Variants in MGAT5B observed in about 807,000 individuals in gnomAD.
MGAT5B encodes alpha-1,6-mannosylglycoprotein 6-beta-N-acetylglucosaminyltransferase B.
In MGAT5B, 54 loss-of-function variants were observed where a neutral mutation model predicts 95.1. The ratio of observed to expected loss-of-function variants is 0.57; its 90% CI spans 0.46 to 0.71. MGAT5B has a LOEUF of 0.71. Ranked by LOEUF, MGAT5B falls within the 30% of genes least tolerant of loss-of-function variation. The probability of loss-of-function intolerance (pLI) is 0.00; values close to 1 mark genes in which losing one functional copy is unlikely to be tolerated. For missense variants in MGAT5B, 935 were observed against 1,088.6 expected (o/e 0.86, Z 1.99); for synonymous variants, 464 against 451.0 (o/e 1.03, Z -0.36).
chr17:76,927,060 G>A (rs190961516), intron 10 of MGAT5B, among the ~76,000 whole-genome samples: 36 of 152,332 alleles, frequency 2.4e-4, no homozygotes, highest in Admixed American at 6.5e-4. Flanking sequence ...CTTCCAGAAA[G>A]AGAGGCTTTC....
In MGAT5B at chr17:76,932,699, C is replaced by G. The variant is rs767094719; in HGVS notation, c.1346C>G (p.Thr449Arg). 1 of 1,613,912 alleles carries G rather than the reference C, an allele frequency of 6.2e-7. No homozygotes were observed. The highest frequency in any genetic ancestry group is 8.5e-7 in the Non-Finnish European group (1 of 1,179,968). ...TTCGTGTCCGAGGAGCTCAACGAGACGGAGAAGCGGCTCATCAAAGGCGGC... is the reference window on the plus strand; with the variant it reads ...TTCGTGTCCGAGGAGCTCAACGAGAGGGAGAAGCGGCTCATCAAAGGCGGC... ...MGFVSEELNE[T>R]EKRLIKGGKA... Residue 449 changes from threonine (T) to arginine (R), a missense_variant, in exon 11 of 18, where the codon ACG becomes AGG. Thr to Arg is a moderately conservative substitution (Grantham distance 71, BLOSUM62 -1). This residue lies in a region of MGAT5B where 440 missense variants were observed against 523.6 expected (regional missense o/e 0.84). Transcript: ENST00000569840.
chr17:76,928,841 G>A (rs1289409760), intron 10 of MGAT5B, among the ~76,000 whole-genome samples: 1 of 151,878 alleles, frequency 6.6e-6, no homozygotes, highest in African/African-American at 2.4e-5. Flanking sequence ...CACGTCGGAG[G>A]ACCACTGAAG....
At chr17:76,901,610 C>T (rs1968318250) in intron 3 of MGAT5B, among the ~76,000 whole-genome samples, 1 of 152,152 alleles carries the variant, frequency 6.6e-6, no homozygotes, top group Admixed American at 6.5e-5. Flanking sequence ...ACACTGGTAT[C>T]GATGGTGAGG....
At position 76,905,954 on chromosome 17, in the gene MGAT5B, C is replaced by T. The variant is rs1346830659; in HGVS notation, c.856-64C>T. ...GCCGGCTGGTCTCCTGGCCGGTGCC[C>T]CGGGGGGGCGGGGCTCAGAGCTGCT... is the stretch of plus-strand genomic sequence containing the variant. On this transcript the variant is annotated intron_variant, in intron 7 of 17. Coordinates refer to ENST00000569840, the MANE Select transcript of MGAT5B (RefSeq NM_001199172.2). The surrounding 1 kb of genome is among the most constrained non-coding windows in gnomAD (Gnocchi z 4.2). The T allele has an allele frequency of 1.9e-5, 28 of 1,497,744 alleles. No individual in the cohort carries two copies. The African/African-American group carries it at 2.3e-4, about 12-fold the overall frequency. 92.8% of individuals were successfully genotyped at this position (1,497,744 alleles called of 1,614,324 possible).
chr17:76,920,385 C>T (rs34839959), intron 8 of MGAT5B, among the ~76,000 whole-genome samples: 1 of 152,118 alleles, frequency 6.6e-6, no homozygotes, highest in Non-Finnish European at 1.5e-5. Flanking sequence ...AGCCGAGCCT[C>T]CCGGGCACCT....
At position 76,938,061 on chromosome 17, in the gene MGAT5B, G is replaced by A. The variant is rs367973248; in HGVS notation, c.1502G>A (p.Arg501Gln). Residue 501 changes from arginine (R) to glutamine (Q), a missense_variant, in exon 13 of 18, where the codon CGG (arginine) becomes CAG (glutamine). Coordinates refer to ENST00000569840, the MANE Select transcript of MGAT5B (RefSeq NM_001199172.2). This position sits in a 1 kb window ranked among gnomAD's most constrained non-coding sequence, Gnocchi z 4.3. ...IHGTVYYESQRPPEVPAFVKN... is the reference protein window; with the variant it reads ...IHGTVYYESQQPPEVPAFVKN... Reference sequence around the variant, plus strand: ...GGCACCGTGTACTACGAGAGCCAGCGGCCCCCCGAGGTGCCAGCCTTTGTG... The same window carrying A: ...GGCACCGTGTACTACGAGAGCCAGCAGCCCCCCGAGGTGCCAGCCTTTGTG... 8.7e-6 allele frequency: 14 copies of A among 1,614,144 alleles called. No homozygotes were observed. The highest frequency in any genetic ancestry group is 3.3e-5 in the Admixed American group (2 of 60,016).
intron 2 of MGAT5B, among the ~76,000 whole-genome samples, chr17:76,881,392 G>A (rs946591070): frequency 6.6e-6 from 1 of 152,204 alleles, no homozygotes; most frequent in Non-Finnish European, 1.5e-5. Flanking sequence ...AGACCAGCTT[G>A]AGATTCAGAA....
In MGAT5B at chr17:76,917,726, T is replaced by C. The variant is rs978895662; in HGVS notation, c.1026-7240T>C. On this transcript the variant is annotated intron_variant, in intron 8 of 17. Transcript: ENST00000569840. This position sits in a 1 kb window ranked among gnomAD's most constrained non-coding sequence, Gnocchi z 6.1. Reference sequence around the variant, plus strand: ...GCACAGGTTGGTTCTCAGCAAAGGTTGGTGGAACCGGATAGAATAGCAAGA... The same window carrying C: ...GCACAGGTTGGTTCTCAGCAAAGGTCGGTGGAACCGGATAGAATAGCAAGA... 6.6e-6 allele frequency among the ~76,000 whole-genome samples: 1 copy of C among 152,072 alleles called. No individual in the cohort carries two copies. The highest frequency in any genetic ancestry group is 1.5e-5 in the Non-Finnish European group (1 of 68,034).
At chr17:76,935,886 TTATATAATTA>T (rs1567822961) in intron 12 of MGAT5B, among the ~76,000 whole-genome samples, 14 of 51,102 alleles carry the variant, frequency 2.7e-4, no homozygotes, top group South Asian at 4.9e-4. Context: ...ATATTATATA[TTATATAATTA>T]TATATACATT....
Position 76,879,556 on chromosome 17 carries a change from G to A in MGAT5B, c.182-2595G>A, listed in dbSNP as rs923208290. On this transcript the variant is annotated intron_variant, in intron 2 of 17. Transcript: ENST00000569840. ...CCCAGTGAGGCCACGCAGGCTGTGC[G>A]CTGCACGACTCCACGACAGACACCC... 4.0e-5 allele frequency among the ~76,000 whole-genome samples: 6 copies of A among 151,774 alleles called. No individual in the cohort carries two copies. The South Asian group carries it at 6.3e-4, about 16-fold the overall frequency.
chr17:76,909,259 G>A (rs564570011), intron 8 of MGAT5B, among the ~76,000 whole-genome samples: 30 of 152,178 alleles, frequency 2.0e-4, no homozygotes, highest in Admixed American at 7.2e-4. Context: ...CCATGTGCCC[G>A]GCCTACTCTG....
In MGAT5B at chr17:76,915,852, G is replaced by A. The variant is rs117149081; in HGVS notation, c.1026-9114G>A. On this transcript the variant is annotated intron_variant, in intron 8 of 17. Coordinates refer to ENST00000569840, the MANE Select transcript of MGAT5B (RefSeq NM_001199172.2). The surrounding 1 kb of genome is among the most constrained non-coding windows in gnomAD (Gnocchi z 8.7). ...AGGCATTTTAACCTCCTGGCTGAGC[G>A]GGGAGCGAGCGCAGGAGCACACATC... 2.3e-3 allele frequency among the ~76,000 whole-genome samples: 347 copies of A among 152,314 alleles called. 2 individuals carry two copies. The highest frequency in any genetic ancestry group is 0.019 in the East Asian group (96 of 5,170).
At position 76,868,991 on chromosome 17, in the gene MGAT5B, G is replaced by T; in HGVS notation, c.-39G>T. 1 of 1,602,588 alleles carries T rather than the reference G, an allele frequency of 6.2e-7. No individual in the cohort carries two copies. Among genetic ancestry groups the T allele is most frequent in the Non-Finnish European group, 8.5e-7 (1 of 1,169,994 alleles). ...GAGCTGGGCCCAGGACGGTGCGTCC[G>T]GCCTCGCCCGCGGCTGCTCGCACCA... On this transcript the variant is annotated 5_prime_UTR_variant, in exon 1 of 18. Transcript: ENST00000569840. This position sits in a 1 kb window ranked among gnomAD's most constrained non-coding sequence, Gnocchi z 6.3.
At chr17:76,875,601 A>T (rs1240202888) in intron 2 of MGAT5B, among the ~76,000 whole-genome samples, 1 of 144,692 alleles carries the variant, frequency 6.9e-6, no homozygotes, top group East Asian at 2.0e-4. Context: ...CTTTTCTCTC[A>T]GTAGTACATG....
At chr17:76,907,218 T>G (rs988105577) in intron 8 of MGAT5B, among the ~76,000 whole-genome samples, 2 of 152,072 alleles carry the variant, frequency 1.3e-5, no homozygotes, top group South Asian at 4.1e-4. Flanking sequence ...GCCAGGCTAA[T>G]TTTTGTGTTT....
intron 16 of MGAT5B, among the ~76,000 whole-genome samples, chr17:76,947,363 C>T (rs573722620): frequency 6.6e-6 from 1 of 152,298 alleles, no homozygotes; most frequent in East Asian, 1.9e-4. Flanking sequence ...TGGCCAGAAC[C>T]CAGGACTGGA....
At chr17:76,937,706 G>A (rs148103421) in intron 12 of MGAT5B, among the ~76,000 whole-genome samples, 59 of 152,274 alleles carry the variant, frequency 3.9e-4, no homozygotes, top group Middle Eastern at 3.4e-3. Flanking sequence ...GTGGCACCAC[G>A]TGAATCCATT....
chr17:76,949,128 G>C lies in MGAT5B; in HGVS notation c.*290G>C. On this transcript the variant is annotated 3_prime_UTR_variant, in exon 18 of 18. Transcript: ENST00000569840. ...TGCTCAGAGTCCGCATGGCCCAGGA[G>C]CAGGTGGTCGGAGGCCCCTGGCTTT... The C allele has an allele frequency of 2.3e-6, 1 of 433,560 alleles. No individual in the cohort carries two copies. Among genetic ancestry groups the C allele is most frequent in the South Asian group, 3.4e-5 (1 of 29,026 alleles). 26.9% of individuals were successfully genotyped at this position (433,560 alleles called of 1,614,324 possible).
intron 3 of MGAT5B, among the ~76,000 whole-genome samples, chr17:76,897,711 T>TTCTTTCTTTCTTTCTTTCTC (rs1968132481): frequency 9.1e-6 from 1 of 110,434 alleles, no homozygotes; most frequent in East Asian, 2.6e-4. Context: ...CTTTCTTTCT[T>TTCTTTCTTTCTTTCTTTCTC]TCTTTCTTTC....
Sources: allele counts gnomAD v4.1 joint callset (sites outside exome capture counted in the v4.1 genomes callset), GRCh38; gene constraint gnomAD v4.1.1; regional missense constraint gnomAD v4.1.1; non-coding constraint Gnocchi (gnomAD v3.1); transcripts MANE v1.5; gene names NCBI Gene and HGNC (gene_info 2026-07-23, HGNC 2026-07-21).